LRGUK: variants seen among roughly 807,000 people sequenced by gnomAD.
The protein encoded by LRGUK is leucine-rich repeat and guanylate kinase domain-containing protein.
LRGUK carries 65 observed loss-of-function variants against 76.0 expected under a neutral mutation model. The ratio of observed to expected loss-of-function variants is 0.85; its 90% CI spans 0.70 to 1.05. LRGUK has a LOEUF of 1.05. Ranked by LOEUF, LRGUK falls within the 50% of genes least tolerant of loss-of-function variation. LRGUK has a pLI of 0.00. For missense variants in LRGUK, 758 were observed against 732.8 expected, an observed-to-expected ratio of 1.03 and a Z score of -0.40; for synonymous variants, 268 against 265.6, an observed-to-expected ratio of 1.01 and a Z score of -0.09.
At chr7:134,134,762 A>C (rs372666628) in intron 1 of LRGUK, among the ~76,000 whole-genome samples, 105 of 152,320 alleles carry the variant, frequency 6.9e-4, no homozygotes, top group African/African-American at 2.4e-3. Flanking sequence ...TATTTAGAAA[A>C]GTAAATGTGT....
chr7:134,246,214 A>G (rs1317615200), intron 16 of LRGUK, among the ~76,000 whole-genome samples: 1 of 152,080 alleles, frequency 6.6e-6, no homozygotes, highest in Non-Finnish European at 1.5e-5. Flanking sequence ...TTCACTCTTT[A>G]TATTATCCCC....
At chr7:134,127,736 G>A (rs1210161125) in intron 1 of LRGUK, 72 bp downstream of exon 1, 200 of 1,474,082 alleles carry the variant, frequency 1.4e-4, no homozygotes, top group Non-Finnish European at 1.7e-4. Context: ...GCAGCTCCCC[G>A]ATGCACCCCC....
chr7:134,264,886 T>C (rs1453524959), downstream of LRGUK, among the ~76,000 whole-genome samples: 17 of 152,208 alleles, frequency 1.1e-4, no homozygotes, highest in Non-Finnish European at 7.3e-5. Flanking sequence ...GTTAAATATT[T>C]TGAATATCAG....
At chr7:134,161,561 C>T (rs1798732807) in intron 6 of LRGUK, among the ~76,000 whole-genome samples, 4 of 151,604 alleles carry the variant, frequency 2.6e-5, no homozygotes, top group Admixed American at 2.6e-4. Flanking sequence ...TATTAATGAA[C>T]ACAAATCTTG....
Position 134,226,218 on chromosome 7 carries a change from ATGTGTG to A in LRGUK, c.1983+4338_1983+4343del, listed in dbSNP as rs57035440. The stretch of plus-strand genomic sequence containing the variant: ...GACAAGGTAGAAATTCCCATCTCCA[ATGTGTG>A]TGTGTGTGTGTGTGTGTGTGTGTGT... On this transcript the variant is annotated intron_variant, in intron 16 of 19. Coordinates refer to the LRGUK transcript ENST00000285928. Among the ~76,000 whole-genome samples, 372 of 141,794 alleles carry A rather than the reference ATGTGTG, an allele frequency of 2.6e-3. 3 individuals carry two copies. The highest frequency in any genetic ancestry group is 6.5e-3 in the South Asian group (29 of 4,450). 93.0% of individuals were successfully genotyped at this position (141,794 alleles called of 152,430 possible).
At chr7:134,220,554 A>T (rs538909342) in intron 15 of LRGUK, among the ~76,000 whole-genome samples, 166 of 151,008 alleles carry the variant, frequency 1.1e-3, no homozygotes, top group Non-Finnish European at 1.9e-3. Flanking sequence ...TTGTCAACTT[A>T]TCAAACAGTC....
At chr7:134,157,186 A>G (rs971328499) in intron 5 of LRGUK, among the ~76,000 whole-genome samples, 1 of 152,204 alleles carries the variant, frequency 6.6e-6, no homozygotes, top group African/African-American at 2.4e-5. Context: ...TTATGATTGA[A>G]TGATTTTATG....
exon 6 of LRGUK, chr7:134,158,055 A>G: frequency 3.1e-6 from 5 of 1,612,510 alleles, no homozygotes; most frequent in Non-Finnish European, 4.2e-6. Context: ...AGAAGAAATC[A>G]GTGGACTAGA....
At chr7:134,188,393 C>G (rs975599766) in intron 11 of LRGUK, among the ~76,000 whole-genome samples, 1 of 152,062 alleles carries the variant, frequency 6.6e-6, no homozygotes, top group African/African-American at 2.4e-5. Context: ...GATTTCTAAA[C>G]AGGGAGGGGA....
chr7:134,139,484 C>A, exon 3 of LRGUK: 2 of 1,609,716 alleles, frequency 1.2e-6, no homozygotes, highest in South Asian at 2.2e-5. Flanking sequence ...TGTTCATCTA[C>A]AGAAGTTGGA....
intron 15 of LRGUK, among the ~76,000 whole-genome samples, chr7:134,204,729 T>G (rs1256564077): frequency 1.3e-5 from 2 of 152,204 alleles, no homozygotes; most frequent in Non-Finnish European, 2.9e-5. Flanking sequence ...AACATGGTCC[T>G]TATTAACACA....
chr7:134,269,780 C>A, the LRGUK span, among the ~76,000 whole-genome samples: 1 of 152,152 alleles, frequency 6.6e-6, no homozygotes, highest in Admixed American at 6.5e-5. Context: ...GGGATTTAAT[C>A]CAGAGATGCA....
chr7:134,185,204 CA>C (rs1290343265), intron 11 of LRGUK, among the ~76,000 whole-genome samples: 1 of 151,864 alleles, frequency 6.6e-6, no homozygotes, highest in Non-Finnish European at 1.5e-5. Context: ...TCCAAAAAAA[CA>C]AAAAACCAAA....
intron 1 of LRGUK, among the ~76,000 whole-genome samples, chr7:134,131,143 A>G (rs754880643): frequency 1.3e-5 from 2 of 152,232 alleles, no homozygotes; most frequent in African/African-American, 2.4e-5. Flanking sequence ...AAATTGATGC[A>G]TGAAAAACAC....
At chr7:134,218,504 C>G (rs143358369) in intron 15 of LRGUK, among the ~76,000 whole-genome samples, 1 of 152,126 alleles carries the variant, frequency 6.6e-6, no homozygotes, top group South Asian at 2.1e-4. Context: ...TGTAGAAACA[C>G]TTGTCATTAA....
At chr7:134,230,140 A>G (rs1440066077) in intron 16 of LRGUK, among the ~76,000 whole-genome samples, 1 of 152,158 alleles carries the variant, frequency 6.6e-6, no homozygotes, top group Non-Finnish European at 1.5e-5. Context: ...TATAACCAAC[A>G]AAGTGTATCC....
At chr7:134,139,871 CT>C (rs137927261) in intron 3 of LRGUK, among the ~76,000 whole-genome samples, 2,651 of 151,974 alleles carry the variant, frequency 0.017, 77 homozygotes, top group African/African-American at 0.054. Context: ...ATGAATTAGT[CT>C]TTTTTTTCTT....
intron 3 of LRGUK, among the ~76,000 whole-genome samples, chr7:134,140,693 C>T (rs1296934025): frequency 6.6e-6 from 1 of 151,672 alleles, no homozygotes. Context: ...GGTTTTTTTC[C>T]CCTTCTAGGA....
At chr7:134,157,448 A>G (rs1413639825) in intron 5 of LRGUK, among the ~76,000 whole-genome samples, 2 of 152,242 alleles carry the variant, frequency 1.3e-5, no homozygotes, top group African/African-American at 4.8e-5. Flanking sequence ...CACACTGCCA[A>G]TGAGGCAGCT....
Sources: gnomAD v4.1 joint callset for allele counts (sites outside exome capture counted in the v4.1 genomes callset) on GRCh38, gnomAD v4.1.1 for gene constraint, MANE v1.5 for transcripts, NCBI Gene and HGNC (gene_info 2026-07-23, HGNC 2026-07-21) for gene names.